PLOD2: variants seen among roughly 807,000 people sequenced by gnomAD.
PLOD2 encodes the protein procollagen-lysine,2-oxoglutarate 5-dioxygenase 2, also known as lysine hydroxylase 2.
PLOD2 carries 65 observed loss-of-function variants against 101.0 expected under a neutral mutation model. The observed-to-expected ratio is 0.64, with a 90% CI of 0.53 to 0.79. The LOEUF (loss-of-function observed/expected upper bound fraction) is 0.79. PLOD2 is among the 30% of genes least tolerant of loss of function. The probability of loss-of-function intolerance (pLI) is 0.00; values close to 1 mark genes in which losing one functional copy is unlikely to be tolerated. For synonymous variants in PLOD2, 314 were observed against 302.9 expected (o/e 1.04, Z -0.38); for missense variants, 909 against 914.6 (o/e 0.99, Z 0.08).
At chr3:146,099,880 CTTTT>C (rs5853264) in intron 7 of PLOD2, among the ~76,000 whole-genome samples, 1 of 129,268 alleles carries the variant, frequency 7.7e-6, no homozygotes. Context: ...CAGTGACCAA[CTTTT>C]TTTTTTTTTT....
intron 1 of PLOD2, among the ~76,000 whole-genome samples, chr3:146,146,236 C>A (rs2031770088): frequency 6.9e-6 from 1 of 145,270 alleles, no homozygotes; most frequent in Admixed American, 7.1e-5. Context: ...TAATTTAATG[C>A]TTTGCCAAGC....
chr3:146,086,336 C>T (rs1936765148), intron 10 of PLOD2: 1 of 152,574 alleles, frequency 6.6e-6, no homozygotes, highest in Non-Finnish European at 1.5e-5. Context: ...CAGGGCTAAA[C>T]AAAAGGCCTA....
chr3:146,137,893 CA>C (rs1328588359), intron 1 of PLOD2, among the ~76,000 whole-genome samples: 1 of 151,940 alleles, frequency 6.6e-6, no homozygotes, highest in Non-Finnish European at 1.5e-5. Flanking sequence ...CAATGAAGGG[CA>C]ACGATAAATC....
chr3:146,076,506 T>A (rs1936339654), intron 15 of PLOD2: 1 of 248,278 alleles, frequency 4.0e-6, no homozygotes, highest in Non-Finnish European at 7.8e-6. Context: ...TGTTTTAAGA[T>A]CTTTGAGAAA....
chr3:146,137,697 GAGTTTCTGATTC>G (rs1049930909), intron 1 of PLOD2, among the ~76,000 whole-genome samples: 1 of 152,154 alleles, frequency 6.6e-6, no homozygotes, highest in African/African-American at 2.4e-5. Flanking sequence ...CACACCCCAA[GAGTTTCTGATTC>G]AGTTTGTATG....
intron 3 of PLOD2, among the ~76,000 whole-genome samples, chr3:146,110,807 C>T (rs1001088918): frequency 1.1e-4 from 17 of 151,958 alleles, no homozygotes; most frequent in African/African-American, 3.1e-4. Flanking sequence ...GAATCATTTA[C>T]GGAAGTTGCC....
chr3:146,069,762 CG>C lies in PLOD2; in HGVS notation c.*954del, dbSNP rs920817091. ...ATAAGGAGCGAGACAAAGGGCAAAACGGAAGAAGCAAGGCTCAACAACTTTG... is the reference window on the plus strand; with the variant it reads ...ATAAGGAGCGAGACAAAGGGCAAAACGAAGAAGCAAGGCTCAACAACTTTG... On this transcript the variant is annotated 3_prime_UTR_variant, in exon 20 of 20. Transcript: ENST00000282903. 6.6e-6 allele frequency: 1 copy of C among 151,880 alleles called. No homozygotes were observed. The highest frequency in any genetic ancestry group is 6.6e-5 in the Admixed American group (1 of 15,152). 9.4% of individuals were successfully genotyped at this position (151,880 alleles called of 1,614,324 possible). A position where few individuals can be genotyped will look rare whatever the true frequency, so the allele number is the denominator to read the frequency against.
chr3:146,111,320 T>C (rs142655693), intron 3 of PLOD2, among the ~76,000 whole-genome samples: 7 of 152,280 alleles, frequency 4.6e-5, no homozygotes, highest in African/African-American at 1.2e-4. Context: ...AACAGCATAA[T>C]TGTAAAGTCA....
intron 1 of PLOD2, among the ~76,000 whole-genome samples, chr3:146,153,846 A>G (rs1418408472): frequency 1.3e-5 from 2 of 149,946 alleles, no homozygotes; most frequent in African/African-American, 4.9e-5. Flanking sequence ...AAAAAAAAAG[A>G]TAAGAAAAAC....
At chr3:146,096,497 G>A (rs1163968378) in intron 7 of PLOD2, among the ~76,000 whole-genome samples, 1 of 104,692 alleles carries the variant, frequency 9.6e-6, no homozygotes, top group East Asian at 3.1e-4. Context: ...CTGCCCGGCC[G>A]CCCATCGTCT....
At chr3:146,118,030 A>G (rs921750195) in intron 3 of PLOD2, among the ~76,000 whole-genome samples, 13 of 152,054 alleles carry the variant, frequency 8.5e-5, no homozygotes, top group Non-Finnish European at 1.8e-4. Flanking sequence ...ATCATTTCTG[A>G]CTCACATGTA....
intron 13 of PLOD2, 110 bp from the exon 14 acceptor site, chr3:146,078,034 A>G: frequency 1.3e-6 from 1 of 761,766 alleles, no homozygotes; most frequent in Non-Finnish European, 2.4e-6. Context: ...ACATTCTGAA[A>G]TGTCCTTCAT....
chr3:146,152,883 G>C (rs1364490427), intron 1 of PLOD2, among the ~76,000 whole-genome samples: 5 of 152,172 alleles, frequency 3.3e-5, no homozygotes, highest in African/African-American at 1.2e-4. Context: ...TCCAGTGTGA[G>C]GTTTTGTTTT....
At chr3:146,130,354 C>T (rs1291806108) in intron 1 of PLOD2, among the ~76,000 whole-genome samples, 2 of 152,136 alleles carry the variant, frequency 1.3e-5, no homozygotes, top group African/African-American at 4.8e-5. Flanking sequence ...TCTTTCAGGG[C>T]ACTCACCACA....
At chr3:146,106,824 T>C (rs1937543155) in intron 4 of PLOD2, among the ~76,000 whole-genome samples, 180 bp from the exon 5 acceptor site, 1 of 152,198 alleles carries the variant, frequency 6.6e-6, no homozygotes, top group African/African-American at 2.4e-5. Flanking sequence ...GTTTTATATA[T>C]AAACTCCAAT....
chr3:146,122,236 C>T (rs916469845), intron 2 of PLOD2, among the ~76,000 whole-genome samples: 1 of 152,176 alleles, frequency 6.6e-6, no homozygotes, highest in Non-Finnish European at 1.5e-5. Flanking sequence ...GGGAAAAACA[C>T]AACCCAAGAA....
At chr3:146,135,219 T>C (rs1274478484) in intron 1 of PLOD2, among the ~76,000 whole-genome samples, 1 of 152,202 alleles carries the variant, frequency 6.6e-6, no homozygotes, top group Non-Finnish European at 1.5e-5. Context: ...TTTTGGCAGC[T>C]CAGAATCCTC....
intron 1 of PLOD2, among the ~76,000 whole-genome samples, chr3:146,153,168 C>G (rs11717610): frequency 2.0e-5 from 3 of 151,948 alleles, no homozygotes; most frequent in Admixed American, 6.6e-5. Context: ...AGAACCCATC[C>G]GCCCTCTTCA....
At position 146,160,675 on chromosome 3, in the gene PLOD2, G is replaced by T. The variant is rs1283048513; in HGVS notation, c.109+206C>A. ...CGCTGAGTTCACCGAGAACTCCAAG[G>T]AGTCAACGAGGGCGGGTGCCCCTAC... is the stretch of plus-strand genomic sequence containing the variant. On this transcript the variant is annotated intron_variant, in intron 1 of 19. Transcript: ENST00000282903. The T allele has an allele frequency of 7.1e-6, 4 of 562,096 alleles. No homozygotes were observed. In the East Asian group the frequency reaches 9.2e-5, roughly 13 times the overall value. 34.8% of individuals were successfully genotyped at this position (562,096 alleles called of 1,614,324 possible).
Sources: allele counts gnomAD v4.1 joint callset (sites outside exome capture counted in the v4.1 genomes callset), GRCh38; gene constraint gnomAD v4.1.1; transcripts MANE v1.5; gene names NCBI Gene and HGNC (gene_info 2026-07-23, HGNC 2026-07-21).